AMPH: variants seen among roughly 807,000 people sequenced by gnomAD.
AMPH encodes the protein amphiphysin.
A neutral mutation model predicts 99.1 loss-of-function variants in AMPH; 49 were observed. The observed-to-expected ratio is 0.49, with a 90% confidence interval of 0.39 to 0.63. AMPH has a LOEUF of 0.63. Ranked by LOEUF, AMPH falls within the 20% of genes least tolerant of loss-of-function variation. AMPH has a pLI of 0.00. For missense variants in AMPH, 759 were observed against 863.4 expected, an observed-to-expected ratio of 0.88 and a Z score of 1.52; for synonymous variants, 314 against 317.3, an observed-to-expected ratio of 0.99 and a Z score of 0.11.
At chr7:38,600,602 A>G (rs1343447149) in intron 1 of AMPH, among the ~76,000 whole-genome samples, 1 of 152,196 alleles carries the variant, frequency 6.6e-6, no homozygotes, top group Non-Finnish European at 1.5e-5. Context: ...GAAAATGTCA[A>G]TCTTTGACCA....
intron 1 of AMPH, among the ~76,000 whole-genome samples, chr7:38,630,947 G>A (rs139244297): frequency 0.015 from 2,293 of 152,296 alleles, 55 homozygotes; most frequent in African/African-American, 0.052. Context: ...GGCGCAGCGG[G>A]CAAGCTGCCG....
Position 38,623,975 on chromosome 7 carries a change from G to C in AMPH, c.69+7308C>G, listed in dbSNP as rs569191944. 2.6e-5 allele frequency among the ~76,000 whole-genome samples: 4 copies of C among 152,246 alleles called. No homozygotes were observed. The East Asian group carries it at 7.7e-4, about 29-fold the overall frequency. On this transcript the variant is annotated intron_variant, in intron 1 of 20. Coordinates refer to ENST00000356264, the MANE Select transcript of AMPH (RefSeq NM_001635.4). ...CACATGATTCAGCCTAATATTTATA[G>C]CATTCCCACCATGTATAGAATCCAT...
chr7:38,530,787 T>A (rs1790369480), intron 2 of AMPH, among the ~76,000 whole-genome samples: 1 of 152,182 alleles, frequency 6.6e-6, no homozygotes, highest in African/African-American at 2.4e-5. Context: ...CAGTCAATTT[T>A]GCTACTTGTT....
intron 2 of AMPH, among the ~76,000 whole-genome samples, chr7:38,514,971 G>C (rs1187393717): frequency 6.6e-6 from 1 of 152,152 alleles, no homozygotes; most frequent in East Asian, 1.9e-4. Flanking sequence ...TGTGAACAGA[G>C]CATTAAGGGT....
At chr7:38,426,599 TG>T (rs1785789759) in intron 15 of AMPH, among the ~76,000 whole-genome samples, 1 of 152,194 alleles carries the variant, frequency 6.6e-6, no homozygotes, top group African/African-American at 2.4e-5. Context: ...CTGAATCCAG[TG>T]GATCTCTCAG....
intron 2 of AMPH, among the ~76,000 whole-genome samples, chr7:38,528,213 T>C (rs1790262160): frequency 1.3e-5 from 2 of 152,198 alleles, no homozygotes; most frequent in African/African-American, 4.8e-5. Context: ...CTTTTTTTCA[T>C]ACTATTGTTG....
intron 17 of AMPH, among the ~76,000 whole-genome samples, chr7:38,401,916 T>C (rs1784852025): frequency 6.9e-6 from 1 of 145,164 alleles, no homozygotes; most frequent in Non-Finnish European, 1.5e-5. Context: ...TTATAGTCTC[T>C]TCTTCAGGAT....
chr7:38,547,072 C>T (rs1791019557), intron 1 of AMPH, among the ~76,000 whole-genome samples: 1 of 152,160 alleles, frequency 6.6e-6, no homozygotes, highest in Non-Finnish European at 1.5e-5. Flanking sequence ...CCAGCCACCA[C>T]CAGCAGCCAT....
chr7:38,384,653 C>T lies in AMPH; in HGVS notation c.*165G>A. ...TTTTTTCCTTAATTTACTTTTTTTCCTCTTACATTTTTTTGCACACATGCT... is the reference window on the plus strand; with the variant it reads ...TTTTTTCCTTAATTTACTTTTTTTCTTCTTACATTTTTTTGCACACATGCT... On this transcript the variant is annotated 3_prime_UTR_variant, in exon 21 of 21. Transcript: ENST00000356264. The T allele has an allele frequency of 7.3e-6, 4 of 551,056 alleles. No homozygotes were observed. The highest frequency in any genetic ancestry group is 2.8e-5 in the East Asian group (1 of 35,766). 34.1% of individuals were successfully genotyped at this position (551,056 alleles called of 1,614,324 possible). A position where few individuals can be genotyped will look rare whatever the true frequency, so the allele number is the denominator to read the frequency against.
intron 2 of AMPH, among the ~76,000 whole-genome samples, chr7:38,519,752 T>C: frequency 6.6e-6 from 1 of 152,168 alleles, no homozygotes; most frequent in East Asian, 1.9e-4. Flanking sequence ...CCAGGCCATG[T>C]CAGGCATTCT....
chr7:38,414,805 C>G (rs1311369384), intron 17 of AMPH, among the ~76,000 whole-genome samples: 1 of 152,084 alleles, frequency 6.6e-6, no homozygotes, highest in African/African-American at 2.4e-5. Flanking sequence ...GCTGGGATTA[C>G]AGGCACCTGC....
intron 5 of AMPH, among the ~76,000 whole-genome samples, chr7:38,478,414 A>G (rs1397526150): frequency 2.0e-5 from 3 of 152,196 alleles, no homozygotes; most frequent in Non-Finnish European, 4.4e-5. Context: ...AATAGCAAAA[A>G]TAAAGACCCA....
chr7:38,629,060 T>C (rs1794361801), intron 1 of AMPH, among the ~76,000 whole-genome samples: 1 of 152,144 alleles, frequency 6.6e-6, no homozygotes, highest in Non-Finnish European at 1.5e-5. Flanking sequence ...TCTATAGTTA[T>C]TGGGATGAAG....
At chr7:38,484,937 T>C (rs1052282225) in intron 5 of AMPH, among the ~76,000 whole-genome samples, 1 of 151,852 alleles carries the variant, frequency 6.6e-6, no homozygotes, top group Non-Finnish European at 1.5e-5. Flanking sequence ...AAATATTTTA[T>C]CTAAATTCTG....
chr7:38,501,390 G>C (rs890348302), intron 3 of AMPH, among the ~76,000 whole-genome samples: 1 of 152,054 alleles, frequency 6.6e-6, no homozygotes, highest in African/African-American at 2.4e-5. Flanking sequence ...TTGCCATGTT[G>C]CCCAGGCTCA....
chr7:38,529,585 C>T (rs1790317972), intron 2 of AMPH, among the ~76,000 whole-genome samples: 2 of 152,228 alleles, frequency 1.3e-5, no homozygotes, highest in Admixed American at 1.3e-4. Context: ...AGCTTAGGTT[C>T]TTATTCAGAA....
Position 38,390,961 on chromosome 7 carries a change from C to CAGAG in AMPH, c.1878+783_1878+786dup, listed in dbSNP as rs199667568. 9.7e-3 allele frequency among the ~76,000 whole-genome samples: 1,245 copies of CAGAG among 128,994 alleles called. 17 individuals carry two copies. The highest frequency in any genetic ancestry group is 0.017 in the Middle Eastern group (4 of 242). The allele number at this position is 128,994 out of a possible 152,430, so 84.6% of individuals were successfully genotyped here. A position where few individuals can be genotyped will look rare whatever the true frequency, so the allele number is the denominator to read the frequency against. On this transcript the variant is annotated intron_variant, in intron 19 of 20. Transcript: ENST00000356264. The stretch of plus-strand genomic sequence containing the variant: ...ACTTTCTAATGGAGAGAGACAAAGA[C>CAGAG]AGAGAGAGAGAGAGAGAGAGAGAGA...
In AMPH at chr7:38,444,209, G is replaced by A. The variant is rs1009607625; in HGVS notation, c.1018-7821C>T. On this transcript the variant is annotated intron_variant, in intron 11 of 20. Coordinates refer to ENST00000356264, the MANE Select transcript of AMPH (RefSeq NM_001635.4). ...ATTAATAAAGGGAGAGATATACTGC[G>A]TCTATGCGTCAGATGACTCACATAT... 7.2e-5 allele frequency among the ~76,000 whole-genome samples: 11 copies of A among 152,128 alleles called. No individual in the cohort carries two copies. In the East Asian group the frequency reaches 1.3e-3, roughly 19 times the overall value.
At chr7:38,488,378 C>A (rs2129018718) in intron 5 of AMPH, among the ~76,000 whole-genome samples, 1 of 152,206 alleles carries the variant, frequency 6.6e-6, no homozygotes. Flanking sequence ...TTTGCAGGGA[C>A]ATGGATGAAG....
Sources: gnomAD v4.1 joint callset for allele counts (sites outside exome capture counted in the v4.1 genomes callset) on GRCh38, gnomAD v4.1.1 for gene constraint, MANE v1.5 for transcripts, NCBI Gene and HGNC (gene_info 2026-07-23, HGNC 2026-07-21) for gene names.